Variants in KIR3DL2 observed in about 807,000 individuals in gnomAD.
KIR3DL2 encodes the protein killer cell immunoglobulin like receptor, three Ig domains and long cytoplasmic tail 2, also known as killer cell immunoglobulin-like receptor 3DL2.
KIR3DL2 carries 42 observed loss-of-function variants against 41.6 expected under a neutral mutation model. The ratio of observed to expected loss-of-function variants is 1.01; its 90% CI spans 0.79 to 1.31. The LOEUF (loss-of-function observed/expected upper bound fraction) is 1.31, where lower values mean the gene tolerates loss of function less well. KIR3DL2 is among the 50% of genes most tolerant of loss of function. The probability of loss-of-function intolerance (pLI) is 0.00; values close to 1 mark genes in which losing one functional copy is unlikely to be tolerated. For synonymous variants in KIR3DL2, 230 were observed against 221.3 expected, an observed-to-expected ratio of 1.04 and a Z score of -0.35; for missense variants, 728 against 576.8, an observed-to-expected ratio of 1.26 and a Z score of -2.68.
rs776749878 is a variant in KIR3DL2, at chr19:54,852,060, G to C, written c.133G>C (p.Val45Leu). Residue 45 changes from valine to leucine, a missense_variant, in exon 3 of 9, where the codon GTG (valine) becomes CTG (leucine). Coordinates refer to ENST00000326321, the MANE Select transcript of KIR3DL2 (RefSeq NM_006737.4). ...CACTGTGGTGCCTCGAGGAGGACAC[G>C]TGGCTCTTCAGTGTCACTATCGTCG... Reference protein sequence around the residue: ...PSTVVPRGGHVALQCHYRRGF... With the variant: ...PSTVVPRGGHLALQCHYRRGF... 4 of 1,612,272 alleles carry C rather than the reference G, an allele frequency of 2.5e-6. No homozygotes were observed. Among genetic ancestry groups the C allele is most frequent in the Admixed American group, 1.7e-5 (1 of 59,948 alleles).
intron 6 of KIR3DL2, among the ~76,000 whole-genome samples, chr19:54,865,043 A>T (rs188877365): frequency 0.021 from 3,150 of 152,096 alleles, 71 homozygotes; most frequent in Non-Finnish European, 0.034. Context: ...TCAATGCCTA[A>T]TTTATTGAGA....
At chr19:54,850,631 G>T in intron 1 of KIR3DL2, 122 bp downstream of exon 1, 3 of 1,435,662 alleles carry the variant, frequency 2.1e-6, no homozygotes, top group Non-Finnish European at 2.9e-6. Context: ...TGGGTGTGGA[G>T]ATATGGGCCT....
At chr19:54,865,776 C>A in intron 6 of KIR3DL2, 29 bp from the exon 7 acceptor site, 1 of 1,555,868 alleles carries the variant, frequency 6.4e-7, no homozygotes, top group East Asian at 2.2e-5. Flanking sequence ...CTATGATTAG[C>A]TTCTTATTGG....
In KIR3DL2 at chr19:54,862,521, A is replaced by G. The variant is rs1375447768; in HGVS notation, c.1001-3284A>G. Among the ~76,000 whole-genome samples the G allele has an allele frequency of 5.3e-5, 8 of 152,024 alleles. 1 individual carries two copies. Among genetic ancestry groups the G allele is most frequent in the Admixed American group, 4.6e-4 (7 of 15,268 alleles). On this transcript the variant is annotated intron_variant, in intron 6 of 8. Coordinates refer to ENST00000326321, the MANE Select transcript of KIR3DL2 (RefSeq NM_006737.4). ...GCAGCGAGTGACAACAGAAGCCTACATTTCAACGTGAGCCAGTCCCTCAAG... is the reference window on the plus strand; with the variant it reads ...GCAGCGAGTGACAACAGAAGCCTACGTTTCAACGTGAGCCAGTCCCTCAAG...
At chr19:54,857,228 T>C (rs902409957) in intron 5 of KIR3DL2, among the ~76,000 whole-genome samples, 1 of 151,438 alleles carries the variant, frequency 6.6e-6, no homozygotes, top group African/African-American at 2.4e-5. Flanking sequence ...TAGCTGTGAT[T>C]ACAGGTGCAC....
Position 54,863,572 on chromosome 19 carries a change from A to G in KIR3DL2, c.1001-2233A>G, listed in dbSNP as rs541533719. On this transcript the variant is annotated intron_variant, in intron 6 of 8. Transcript: ENST00000326321. ...TCTAACTGGTGTGAGATGGTATCTC[A>G]TTGTGGTTTTGATTTGCATTTCTCT... is the stretch of plus-strand genomic sequence containing the variant. 1.2e-4 allele frequency among the ~76,000 whole-genome samples: 19 copies of G among 152,050 alleles called. No individual in the cohort carries two copies. In the East Asian group the frequency reaches 3.1e-3, roughly 25 times the overall value.
chr19:54,853,242 C>A (rs1390376358), intron 3 of KIR3DL2, among the ~76,000 whole-genome samples: 1 of 151,696 alleles, frequency 6.6e-6, no homozygotes, highest in South Asian at 2.1e-4. Context: ...CTCCTGGAAC[C>A]AGCACCAGGG....
At chr19:54,858,593 G>A (rs1436055622) in intron 5 of KIR3DL2, among the ~76,000 whole-genome samples, 1 of 151,394 alleles carries the variant, frequency 6.6e-6, no homozygotes, top group Non-Finnish European at 1.5e-5. Flanking sequence ...GCTGAGCATG[G>A]TGATCAGTGC....
intron 6 of KIR3DL2, among the ~76,000 whole-genome samples, chr19:54,861,567 T>G (rs1273390189): frequency 6.6e-6 from 1 of 151,556 alleles, no homozygotes; most frequent in Non-Finnish European, 1.5e-5. Flanking sequence ...GAGAATGACT[T>G]CAGCCCTGGA....
At position 54,862,859 on chromosome 19, in the gene KIR3DL2, T is replaced by G. The variant is rs564450683; in HGVS notation, c.1001-2946T>G. Among the ~76,000 whole-genome samples, 4 of 148,836 alleles carry G rather than the reference T, an allele frequency of 2.7e-5. No individual in the cohort carries two copies. In the South Asian group the frequency reaches 8.5e-4, roughly 32 times the overall value. On this transcript the variant is annotated intron_variant, in intron 6 of 8. Transcript: ENST00000326321. ...TTCTGATGAGCTTTTTTTTAAAATT[T>G]TTATTATTATTATACTTTAAGTTTT...
At chr19:54,863,051 T>G (rs1244074610) in intron 6 of KIR3DL2, among the ~76,000 whole-genome samples, 1 of 116,910 alleles carries the variant, frequency 8.6e-6, no homozygotes, top group Non-Finnish European at 1.6e-5. Context: ...TTCCCCTTCC[T>G]GTGTCCATGT....
chr19:54,855,612 C>G lies in KIR3DL2; in HGVS notation c.656-7C>G. 1 of 1,609,640 alleles carries G rather than the reference C, an allele frequency of 6.2e-7. No homozygotes were observed. The highest frequency in any genetic ancestry group is 1.1e-5 in the South Asian group (1 of 90,758). On this transcript the variant is annotated splice_region_variant and splice_polypyrimidine_tract_variant and intron_variant, in intron 4 of 8. Transcript: ENST00000326321. ...CTCCCTGAGGAAACTGCCTCTTCTC[C>G]TTCCAGGTCTATATGAGAAACCTTC... is the stretch of plus-strand genomic sequence containing the variant.
chr19:54,861,169 TA>T (rs1601808605), intron 6 of KIR3DL2, among the ~76,000 whole-genome samples: 1 of 151,128 alleles, frequency 6.6e-6, no homozygotes, highest in Non-Finnish European at 1.5e-5. Flanking sequence ...TAGATGGATA[TA>T]AGATATGTTT....
chr19:54,866,330 G>A (rs1171928465), intron 7 of KIR3DL2, 40 bp from the exon 8 acceptor site: 2 of 1,611,840 alleles, frequency 1.2e-6, no homozygotes, highest in Non-Finnish European at 1.7e-6. Context: ...GGACCCAGAA[G>A]GGCCCTCCAA....
At chr19:54,855,087 A>C (rs1164970489) in intron 4 of KIR3DL2, among the ~76,000 whole-genome samples, 1 of 151,324 alleles carries the variant, frequency 6.6e-6, no homozygotes. Context: ...ACATATATAA[A>C]TATATAGATA....
Position 54,855,846 on chromosome 19 carries a change from G to C in KIR3DL2, c.883G>C (p.Gly295Arg). The change falls in exon 5 of 9, where the codon GGC (glycine) becomes CGC (arginine). Residue 295 changes from glycine (G) to arginine (R), a missense_variant. By Grantham distance (125) the Gly-to-Arg change is moderately radical. Transcript: ENST00000326321. Reference sequence around the variant, plus strand: ...CCACGGAGGGACCTACAGATGCTTCGGCTCTTTCCGTGCCCTGCCCTGCGT... The same window carrying C: ...CCACGGAGGGACCTACAGATGCTTCCGCTCTTTCCGTGCCCTGCCCTGCGT... Reference protein sequence around the residue: ...ATHGGTYRCFGSFRALPCVWS... With the variant: ...ATHGGTYRCFRSFRALPCVWS... 2 of 1,613,442 alleles carry C rather than the reference G, an allele frequency of 1.2e-6. No individual in the cohort carries two copies. The highest frequency in any genetic ancestry group is 1.7e-6 in the Non-Finnish European group (2 of 1,179,920).
chr19:54,864,510 G>C (rs376246963), intron 6 of KIR3DL2, among the ~76,000 whole-genome samples: 6,446 of 152,014 alleles, frequency 0.042, 172 homozygotes, highest in Middle Eastern at 0.092. Context: ...TCTTCCATTT[G>C]TTTGTATCCT....
At chr19:54,857,382 T>A (rs1421669607) in intron 5 of KIR3DL2, among the ~76,000 whole-genome samples, 3 of 151,384 alleles carry the variant, frequency 2.0e-5, no homozygotes, top group Non-Finnish European at 4.4e-5. Context: ...TAAGCCACTA[T>A]GCCCAGCCTC....
Position 54,867,131 on chromosome 19 carries a change from T to C in KIR3DL2, c.*400T>C, listed in dbSNP as rs59192884. 8,747 of 226,778 alleles carry C rather than the reference T, an allele frequency of 0.039. 223 individuals are homozygous for C. Among genetic ancestry groups the C allele is most frequent in the East Asian group, 0.093 (784 of 8,424 alleles). 14.0% of individuals were successfully genotyped at this position (226,778 alleles called of 1,614,324 possible). ...CCTCAGACTATCTTTCAGCCTTCTG[T>C]CATCAGTAAAATTTATAAATTTTTT... is the stretch of plus-strand genomic sequence containing the variant. On this transcript the variant is annotated 3_prime_UTR_variant, in exon 9 of 9. Transcript: ENST00000326321.
Sources: gnomAD v4.1 joint callset for allele counts (sites outside exome capture counted in the v4.1 genomes callset) on GRCh38, gnomAD v4.1.1 for gene constraint, MANE v1.5 for transcripts, NCBI Gene and HGNC (gene_info 2026-07-23, HGNC 2026-07-21) for gene names.